Variants in STXBP4 observed in about 807,000 individuals in gnomAD.
STXBP4 encodes syntaxin binding protein 4, also known as syntaxin-binding protein 4.
Under a neutral mutation model 76.1 loss-of-function variants are expected in STXBP4, and 55 were observed. The ratio of observed to expected loss-of-function variants is 0.72; its 90% confidence interval spans 0.58 to 0.91. The LOEUF (loss-of-function observed/expected upper bound fraction) is 0.91. Among genes scored for constraint, STXBP4 ranks in the 40% least tolerant of loss-of-function variants. STXBP4 has a pLI of 0.00. For synonymous variants in STXBP4, 201 were observed against 220.2 expected, an observed-to-expected ratio of 0.91 and a Z score of 0.77; for missense variants, 618 against 636.9, an observed-to-expected ratio of 0.97 and a Z score of 0.32.
At chr17:55,100,010 A>C (rs921796669) in intron 16 of STXBP4, among the ~76,000 whole-genome samples, 3 of 152,180 alleles carry the variant, frequency 2.0e-5, no homozygotes, top group African/African-American at 4.8e-5. Context: ...CATAATGAGC[A>C]TGAGAGATGA....
At chr17:55,186,885 C>A in the STXBP4 span, among the ~76,000 whole-genome samples, 1 of 152,218 alleles carries the variant, frequency 6.6e-6, no homozygotes, top group East Asian at 1.9e-4. Flanking sequence ...TCACACATGA[C>A]CAACAAAAGA....
chr17:54,973,189 T>G (rs1398058771), intron 1 of STXBP4, among the ~76,000 whole-genome samples: 1 of 152,164 alleles, frequency 6.6e-6, no homozygotes, highest in Non-Finnish European at 1.5e-5. Context: ...TGAGTTAACT[T>G]GTCCAAGCCT....
At chr17:55,176,784 T>C (rs1483902313), downstream of STXBP4, among the ~76,000 whole-genome samples, 2 of 152,160 alleles carry the variant, frequency 1.3e-5, no homozygotes, top group African/African-American at 4.8e-5. Context: ...TCCAATCCAC[T>C]GAGGGCTTGA....
At chr17:55,154,739 A>G (rs1489003369) in intron 17 of STXBP4, among the ~76,000 whole-genome samples, 1 of 152,102 alleles carries the variant, frequency 6.6e-6, no homozygotes, top group Admixed American at 6.6e-5. Context: ...CTTGTTCCTC[A>G]GGAATTTTCT....
intron 6 of STXBP4, chr17:55,000,278 T>C: frequency 5.1e-6 from 5 of 985,238 alleles, no homozygotes; most frequent in Non-Finnish European, 6.0e-6. Context: ...TGCTCCTTCA[T>C]GTGTGCATGC....
At chr17:55,078,647 AAAC>A (rs1386259384) in intron 14 of STXBP4, 36 bp from the exon 15 acceptor site, 1 of 1,305,516 alleles carries the variant, frequency 7.7e-7, no homozygotes, top group African/African-American at 1.5e-5. Flanking sequence ...AAAAACTGTC[AAAC>A]TGATATATCT....
In STXBP4 at chr17:55,170,531, A is replaced by G. The variant is rs2080400628; in HGVS notation, c.*10620A>G. 6.6e-6 allele frequency: 1 copy of G among 152,186 alleles called. No individual in the cohort carries two copies. The highest frequency in any genetic ancestry group is 2.4e-5 in the African/African-American group (1 of 41,464). The allele number at this position is 152,186 out of a possible 1,614,324, so 9.4% of individuals were successfully genotyped here. On this transcript the variant is annotated 3_prime_UTR_variant, in exon 18 of 18. Coordinates refer to ENST00000376352, the MANE Select transcript of STXBP4 (RefSeq NM_178509.6). ...AGTGAGCCTGTCCTTTATAAGAAAA[A>G]ATGCTAATGATTTATTGTGTATGAA...
chr17:55,191,342 C>G, the STXBP4 span, among the ~76,000 whole-genome samples: 1 of 152,132 alleles, frequency 6.6e-6, no homozygotes, highest in African/African-American at 2.4e-5. Context: ...GGGGTGGGAC[C>G]TGAGATTCTG....
At chr17:55,088,401 A>G (rs2079366279) in intron 16 of STXBP4, among the ~76,000 whole-genome samples, 1 of 152,150 alleles carries the variant, frequency 6.6e-6, no homozygotes, top group Non-Finnish European at 1.5e-5. Context: ...GCTTAAAACC[A>G]GGCTCTAAGG....
chr17:55,019,424 C>T (rs2078265255), intron 8 of STXBP4, among the ~76,000 whole-genome samples: 1 of 152,160 alleles, frequency 6.6e-6, no homozygotes. Flanking sequence ...CAAAGCTCTA[C>T]AATACATTAA....
At chr17:55,062,494 T>A (rs2079006276) in intron 12 of STXBP4, among the ~76,000 whole-genome samples, 1 of 152,218 alleles carries the variant, frequency 6.6e-6, no homozygotes, top group Non-Finnish European at 1.5e-5. Context: ...CTATCATTGA[T>A]GGGCATTTGG....
At chr17:55,021,562 C>T (rs997512260) in intron 8 of STXBP4, among the ~76,000 whole-genome samples, 52 of 152,084 alleles carry the variant, frequency 3.4e-4, no homozygotes, top group African/African-American at 1.2e-3. Context: ...AATTAGCACC[C>T]ATTGTCTTTA....
the STXBP4 span, among the ~76,000 whole-genome samples, chr17:55,179,281 T>C: frequency 6.6e-6 from 1 of 151,742 alleles, no homozygotes; most frequent in African/African-American, 2.4e-5. Flanking sequence ...AATTCAGAAA[T>C]AAAGGAATGT....
Position 55,000,219 on chromosome 17 carries a change from C to G in STXBP4, c.498+377C>G, listed in dbSNP as rs938209449. On this transcript the variant is annotated intron_variant, in intron 6 of 17. Transcript: ENST00000376352. The stretch of plus-strand genomic sequence containing the variant: ...CATCTTCCTTTTTGTTCCTTAGCTT[C>G]TTTCCCACACAGTGAGGCTAATCCC... 3.0e-6 allele frequency: 3 copies of G among 985,246 alleles called. No individual in the cohort carries two copies. In the African/African-American group the frequency reaches 5.2e-5, roughly 17 times the overall value. The allele number at this position is 985,246 out of a possible 1,614,324, so 61.0% of individuals were successfully genotyped here. A position where few individuals can be genotyped will look rare whatever the true frequency, so the allele number is the denominator to read the frequency against.
At chr17:54,989,238 G>T (rs1201523236) in intron 3 of STXBP4, among the ~76,000 whole-genome samples, 1 of 152,168 alleles carries the variant, frequency 6.6e-6, no homozygotes, top group African/African-American at 2.4e-5. Flanking sequence ...CTCCTGAGCA[G>T]CTGGTACTAT....
chr17:55,180,502 A>G, the STXBP4 span, among the ~76,000 whole-genome samples: 1 of 152,150 alleles, frequency 6.6e-6, no homozygotes, highest in Non-Finnish European at 1.5e-5. Flanking sequence ...TGCTTTATGT[A>G]TGTATTTAAG....
chr17:55,023,601 A>G (rs1212683568), intron 8 of STXBP4, among the ~76,000 whole-genome samples: 1 of 152,152 alleles, frequency 6.6e-6, no homozygotes, highest in African/African-American at 2.4e-5. Flanking sequence ...TCGATTTCGG[A>G]TTTTTGGATT....
rs1242146791 is a variant in STXBP4 at position 55,169,463 on chromosome 17, G to C, written c.*9552G>C. The C allele has an allele frequency of 6.6e-6, 1 of 152,242 alleles. No individual in the cohort carries two copies. The highest frequency in any genetic ancestry group is 1.5e-5 in the Non-Finnish European group (1 of 68,076). 9.4% of individuals were successfully genotyped at this position (152,242 alleles called of 1,614,324 possible). A position where few individuals can be genotyped will look rare whatever the true frequency, so the allele number is the denominator to read the frequency against. On this transcript the variant is annotated 3_prime_UTR_variant, in exon 18 of 18. Transcript: ENST00000376352. Reference sequence around the variant, plus strand: ...CCTGAGGACAGCCGTCCAACAAAGAGGTGCAGGTGCTGAATGTTGAGAGTG... The same window carrying C: ...CCTGAGGACAGCCGTCCAACAAAGACGTGCAGGTGCTGAATGTTGAGAGTG...
rs928789075 is a variant in STXBP4 at position 55,043,686 on chromosome 17, A to G, written c.945+361A>G. 4 of 1,543,942 alleles carry G rather than the reference A, an allele frequency of 2.6e-6. No homozygotes were observed. The African/African-American group carries it at 4.1e-5, about 16-fold the overall frequency. ...TTTGGATCCTGTGAGTTCTTTGGGA[A>G]ATACATTTTTTTTCATGTGCAGGGC... On this transcript the variant is annotated intron_variant, in intron 11 of 17. Coordinates refer to ENST00000376352, the MANE Select transcript of STXBP4 (RefSeq NM_178509.6).
Sources: allele counts gnomAD v4.1 joint callset (sites outside exome capture counted in the v4.1 genomes callset), GRCh38; gene constraint gnomAD v4.1.1; transcripts MANE v1.5; gene names NCBI Gene and HGNC (gene_info 2026-07-23, HGNC 2026-07-21).